Variants in NHSL1 observed in about 807,000 individuals in gnomAD.
The protein encoded by NHSL1 is NHS-like protein 1.
A neutral mutation model predicts 95.0 loss-of-function variants in NHSL1; 48 were observed. The ratio of observed to expected loss-of-function variants is 0.51; its 90% CI spans 0.40 to 0.64. The LOEUF is 0.64. Ranked by LOEUF, NHSL1 falls within the 30% of genes least tolerant of loss-of-function variation. The pLI, the probability that NHSL1 is intolerant of heterozygous loss-of-function variation, is 0.00. For synonymous variants in NHSL1, 783 were observed against 833.9 expected (o/e 0.94, Z 1.05); for missense variants, 1,971 against 2,077.7 (o/e 0.95, Z 1.00).
chr6:138,537,938 T>A (rs1782425154), intron 1 of NHSL1, among the ~76,000 whole-genome samples: 1 of 152,114 alleles, frequency 6.6e-6, no homozygotes. Flanking sequence ...AAGAGTTTCC[T>A]GGGGGTAGGA....
upstream of NHSL1, among the ~76,000 whole-genome samples, chr6:138,499,997 T>A (rs1780588312): frequency 6.6e-6 from 1 of 152,078 alleles, no homozygotes; most frequent in Non-Finnish European, 1.5e-5. Context: ...CTCTGTCTTC[T>A]CACCCTTCTT....
intron 1 of NHSL1, among the ~76,000 whole-genome samples, chr6:138,562,828 A>AGAAG (rs1783464566): frequency 1.3e-5 from 2 of 152,130 alleles, no homozygotes; most frequent in East Asian, 3.8e-4. Flanking sequence ...TCTGCACGCC[A>AGAAG]TAACCAGAGC....
At chr6:138,683,245 T>C (rs1785536702) in intron 1 of NHSL1, among the ~76,000 whole-genome samples, 2 of 152,342 alleles carry the variant, frequency 1.3e-5, no homozygotes, top group South Asian at 4.1e-4. Flanking sequence ...CAGAACTCTC[T>C]GGTTTTCCAA....
At chr6:138,659,721 GTTT>G (rs35077038) in intron 1 of NHSL1, among the ~76,000 whole-genome samples, 2 of 128,666 alleles carry the variant, frequency 1.6e-5, no homozygotes. Flanking sequence ...TTTTTTTTTT[GTTT>G]TTTTTTTTTT....
chr6:138,549,196 C>A (rs1410557749), upstream of NHSL1, among the ~76,000 whole-genome samples: 2 of 152,144 alleles, frequency 1.3e-5, no homozygotes, highest in Non-Finnish European at 2.9e-5. Context: ...CCAGCCTAAC[C>A]AACATGGAGA....
At chr6:138,688,326 G>C (rs1785614302) in intron 1 of NHSL1, among the ~76,000 whole-genome samples, 1 of 147,988 alleles carries the variant, frequency 6.8e-6, no homozygotes, top group Non-Finnish European at 1.5e-5. Flanking sequence ...TAAAGAGAAA[G>C]AAAACCCAAT....
At chr6:138,579,380 T>C (rs569635146) in intron 1 of NHSL1, among the ~76,000 whole-genome samples, 1 of 152,324 alleles carries the variant, frequency 6.6e-6, no homozygotes, top group Non-Finnish European at 1.5e-5. Flanking sequence ...TTTATAGCAA[T>C]CATTCCTTTA....
Position 138,674,993 on chromosome 6 carries a change from G to A in NHSL1, c.96+17483C>T, listed in dbSNP as rs184612803. Reference sequence around the variant, plus strand: ...AGCCCAGAAGTTCAAGGTTAAGTGAGCTATGAGAACTATGATCCTGTCATT... The same window carrying A: ...AGCCCAGAAGTTCAAGGTTAAGTGAACTATGAGAACTATGATCCTGTCATT... On this transcript the variant is annotated intron_variant, in intron 1 of 3. Transcript: ENST00000491526. Among the ~76,000 whole-genome samples the A allele has an allele frequency of 5.3e-5, 8 of 151,012 alleles. No homozygotes were observed. In the East Asian group the frequency reaches 1.6e-3, roughly 29 times the overall value.
intron 1 of NHSL1, among the ~76,000 whole-genome samples, chr6:138,594,801 C>T (rs1784279768): frequency 6.6e-6 from 1 of 152,176 alleles, no homozygotes; most frequent in Admixed American, 6.5e-5. Context: ...CAAAAGTGGA[C>T]TTTTTCTTTT....
intron 3 of NHSL1, among the ~76,000 whole-genome samples, chr6:138,454,741 G>C (rs1206480100): frequency 6.6e-6 from 1 of 152,228 alleles, no homozygotes; most frequent in Non-Finnish European, 1.5e-5. Context: ...AAAACTATGT[G>C]ATCTTAGGCA....
intron 1 of NHSL1, among the ~76,000 whole-genome samples, chr6:138,639,015 C>T (rs1333834987): frequency 6.6e-6 from 1 of 152,026 alleles, no homozygotes; most frequent in African/African-American, 2.4e-5. Flanking sequence ...TTTTTTGTAC[C>T]ATCTGTTTTA....
chr6:138,440,606 A>G (rs1776468368), intron 5 of NHSL1, among the ~76,000 whole-genome samples: 1 of 151,828 alleles, frequency 6.6e-6, no homozygotes, highest in African/African-American at 2.4e-5. Flanking sequence ...CTATTGCTAC[A>G]GCATGGAAGG....
rs574750585 is a variant in NHSL1, at chr6:138,623,676, CTT to C, written c.96+68798_96+68799del. Among the ~76,000 whole-genome samples, 9 of 152,258 alleles carry C rather than the reference CTT, an allele frequency of 5.9e-5. No individual in the cohort carries two copies. The South Asian group carries it at 8.3e-4, about 14-fold the overall frequency. On this transcript the variant is annotated intron_variant, in intron 1 of 3. Transcript: ENST00000491526. ...TGACCTACATCTCCTCAGTCTCTCT[CTT>C]TGTTTTACAGTTTACAAGCCAAACT...
intron 1 of NHSL1, among the ~76,000 whole-genome samples, chr6:138,563,263 C>T (rs1318265535): frequency 2.0e-5 from 3 of 152,208 alleles, no homozygotes; most frequent in Admixed American, 6.5e-5. Context: ...GGTAAACATT[C>T]ACTAAATATT....
At chr6:138,662,115 A>G (rs184129261) in intron 1 of NHSL1, among the ~76,000 whole-genome samples, 1 of 151,308 alleles carries the variant, frequency 6.6e-6, no homozygotes, top group African/African-American at 2.4e-5. Flanking sequence ...AGCTAGAAAC[A>G]GATTTAATTC....
chr6:138,580,555 T>C (rs1784038154), intron 1 of NHSL1, among the ~76,000 whole-genome samples: 1 of 152,160 alleles, frequency 6.6e-6, no homozygotes, highest in Admixed American at 6.5e-5. Context: ...GTTTCCATGA[T>C]ATAAAGCCTC....
intron 1 of NHSL1, among the ~76,000 whole-genome samples, chr6:138,554,237 C>G (rs1783113670): frequency 6.6e-6 from 1 of 152,166 alleles, no homozygotes; most frequent in Admixed American, 6.5e-5. Context: ...AACAGTAGGT[C>G]CTTTCACGTT....
chr6:138,464,092 C>T (rs562468199), intron 3 of NHSL1: 3 of 460,828 alleles, frequency 6.5e-6, no homozygotes, highest in Non-Finnish European at 1.2e-5. Flanking sequence ...TGGCCGCGCA[C>T]GAGGTCAGGT....
At chr6:138,588,726 G>A (rs1353925599) in intron 1 of NHSL1, among the ~76,000 whole-genome samples, 1 of 152,188 alleles carries the variant, frequency 6.6e-6, no homozygotes, top group Non-Finnish European at 1.5e-5. Context: ...AACAGTTTGG[G>A]TGAAAAGAAA....
Sources: gnomAD v4.1 joint callset for allele counts (sites outside exome capture counted in the v4.1 genomes callset) on GRCh38, gnomAD v4.1.1 for gene constraint, MANE v1.5 for transcripts, NCBI Gene and HGNC (gene_info 2026-07-23, HGNC 2026-07-21) for gene names.